UNC5A: variants seen among roughly 807,000 people sequenced by gnomAD.
The protein encoded by UNC5A is netrin receptor UNC5A.
UNC5A carries 20 observed loss-of-function variants against 87.4 expected under a neutral mutation model. The ratio of observed to expected loss-of-function variants is 0.23; its 90% CI spans 0.16 to 0.33. The LOEUF (loss-of-function observed/expected upper bound fraction) is 0.33, where lower values mean the gene tolerates loss of function less well. Among genes scored for constraint, UNC5A ranks in the 10% least tolerant of loss-of-function variants. The probability of loss-of-function intolerance (pLI) is 1.00; values close to 1 mark genes in which losing one functional copy is unlikely to be tolerated. For synonymous variants in UNC5A, 438 were observed against 482.3 expected, an observed-to-expected ratio of 0.91 and a Z score of 1.20; for missense variants, 844 against 1,133.4, an observed-to-expected ratio of 0.74 and a Z score of 3.67.
In UNC5A at chr5:176,830,650, TTG is replaced by T. The variant is rs574164105; in HGVS notation, c.70+19841_70+19842del. 4.6e-3 allele frequency among the ~76,000 whole-genome samples: 258 copies of T among 56,254 alleles called. 5 individuals carry two copies. Among genetic ancestry groups the T allele is most frequent in the African/African-American group, 0.016 (214 of 13,418 alleles). The allele number at this position is 56,254 out of a possible 152,430, so 36.9% of individuals were successfully genotyped here. ...TGTGTGTGTGCGCTGGCGTGTGCAT[TTG>T]TGTGTGTGTGCTGGTGTGTGTGGGA... On this transcript the variant is annotated intron_variant, in intron 1 of 14. Coordinates refer to ENST00000329542, the MANE Select transcript of UNC5A (RefSeq NM_133369.3).
At position 176,875,980 on chromosome 5, in the gene UNC5A, G is replaced by T. The variant is rs1758252349; in HGVS notation, c.1379-1212G>T. Among the ~76,000 whole-genome samples the T allele has an allele frequency of 6.6e-6, 1 of 152,264 alleles. No individual in the cohort carries two copies. The highest frequency in any genetic ancestry group is 2.1e-4 in the South Asian group (1 of 4,836). ...TCTGTCAGCTCTTACAGAGACGCAG[G>T]CGAACAGTGGGGCCCGGCAGCCCTT... is the stretch of plus-strand genomic sequence containing the variant. On this transcript the variant is annotated intron_variant, in intron 8 of 14. Transcript: ENST00000329542. The surrounding 1 kb of genome is among the most constrained non-coding windows in gnomAD (Gnocchi z 5.2).
At chr5:176,876,998 C>T (rs1397809474) in intron 8 of UNC5A, among the ~76,000 whole-genome samples, 194 bp from the exon 9 acceptor site, 1 of 152,204 alleles carries the variant, frequency 6.6e-6, no homozygotes, top group Non-Finnish European at 1.5e-5. Flanking sequence ...CCCTCAGTTG[C>T]TCATGGGGTG....
At chr5:176,831,866 TCA>T (rs1332331809) in intron 1 of UNC5A, among the ~76,000 whole-genome samples, 1 of 146,594 alleles carries the variant, frequency 6.8e-6, no homozygotes, top group African/African-American at 2.5e-5. Context: ...ACTTTCACTT[TCA>T]CACACTTTCT....
At chr5:176,850,019 C>T (rs1757505026) in intron 1 of UNC5A, among the ~76,000 whole-genome samples, 1 of 152,226 alleles carries the variant, frequency 6.6e-6, no homozygotes. Flanking sequence ...GGTGCACAGG[C>T]TGACAGCGGA....
rs192088302 is a variant in UNC5A, at chr5:176,836,973, G to A, written c.71-25651G>A. 5.3e-5 allele frequency among the ~76,000 whole-genome samples: 8 copies of A among 152,280 alleles called. No individual in the cohort carries two copies. In the East Asian group the frequency reaches 5.8e-4, roughly 11 times the overall value. ...AGAGGAAGTCCCTGCCAGAGCCAGC[G>A]CACAGGCCAGACGGAACAACCTGAT... On this transcript the variant is annotated intron_variant, in intron 1 of 14. Coordinates refer to ENST00000329542, the MANE Select transcript of UNC5A (RefSeq NM_133369.3).
chr5:176,815,067 T>C (rs1406988381), intron 1 of UNC5A, among the ~76,000 whole-genome samples: 7 of 152,180 alleles, frequency 4.6e-5, no homozygotes, highest in African/African-American at 1.7e-4. Flanking sequence ...TGGTGCATGC[T>C]TGTGGGCCAC....
At chr5:176,817,001 G>C (rs1388085826) in intron 1 of UNC5A, among the ~76,000 whole-genome samples, 2 of 152,246 alleles carry the variant, frequency 1.3e-5, no homozygotes, top group South Asian at 2.1e-4. Flanking sequence ...TGTTTGAAGT[G>C]GGAGAGGGGG....
intron 1 of UNC5A, among the ~76,000 whole-genome samples, chr5:176,814,400 G>A (rs773013491): frequency 1.3e-5 from 2 of 152,142 alleles, no homozygotes; most frequent in African/African-American, 2.4e-5. Flanking sequence ...GGCAAGCTCC[G>A]GCTTCCAGAC....
chr5:176,861,604 G>A (rs531489062), intron 1 of UNC5A, among the ~76,000 whole-genome samples: 24 of 152,326 alleles, frequency 1.6e-4, no homozygotes, highest in Admixed American at 7.2e-4. Flanking sequence ...TGGATCACCC[G>A]TGGGGAGGGT....
At chr5:176,847,888 C>G (rs1315734751) in intron 1 of UNC5A, among the ~76,000 whole-genome samples, 7 of 151,732 alleles carry the variant, frequency 4.6e-5, no homozygotes, top group Non-Finnish European at 1.0e-4. Context: ...TGGGCCTGCC[C>G]TTCCACAGCC....
intron 1 of UNC5A, among the ~76,000 whole-genome samples, chr5:176,861,467 C>T (rs1298845103): frequency 1.3e-5 from 2 of 152,168 alleles, no homozygotes; most frequent in Non-Finnish European, 2.9e-5. Flanking sequence ...TGGTGAAGGG[C>T]GGACTCCCAC....
chr5:176,833,772 G>T (rs1445512454), intron 1 of UNC5A, among the ~76,000 whole-genome samples: 3 of 149,986 alleles, frequency 2.0e-5, no homozygotes, highest in African/African-American at 7.4e-5. Flanking sequence ...GCAGTGGTGC[G>T]GTCTCCGCTC....
intron 6 of UNC5A, among the ~76,000 whole-genome samples, chr5:176,872,988 AC>A (rs781222013): frequency 0.13 from 1,653 of 12,426 alleles, 589 homozygotes; most frequent in Non-Finnish European, 0.24. Flanking sequence ...ATCTGCCCAC[AC>A]CTGCCCCAAC....
intron 1 of UNC5A, among the ~76,000 whole-genome samples, chr5:176,831,965 C>T (rs1286212164): frequency 1.4e-5 from 2 of 142,052 alleles, no homozygotes; most frequent in Admixed American, 7.3e-5. Flanking sequence ...GGTGCAATCT[C>T]GGCTCTCTGC....
At chr5:176,858,709 GAA>G (rs57037749) in intron 1 of UNC5A, among the ~76,000 whole-genome samples, 3,938 of 65,964 alleles carry the variant, frequency 0.06, 156 homozygotes, top group Admixed American at 0.1. Flanking sequence ...GCGAAAGAAA[GAA>G]AGAGAGAGAG....
chr5:176,870,691 G>T (rs150676553), intron 6 of UNC5A, 157 bp downstream of exon 6: 2 of 849,744 alleles, frequency 2.4e-6, no homozygotes, highest in Non-Finnish European at 3.5e-6. Flanking sequence ...TAGCATACCT[G>T]CACATGGGCC....
At chr5:176,847,650 A>G (rs746802447) in intron 1 of UNC5A, among the ~76,000 whole-genome samples, 11 of 151,468 alleles carry the variant, frequency 7.3e-5, no homozygotes, top group Non-Finnish European at 2.9e-5. Flanking sequence ...ACCGATCCCA[A>G]CTTTTACATA....
intron 1 of UNC5A, among the ~76,000 whole-genome samples, chr5:176,842,702 G>A (rs1268632772): frequency 1.3e-5 from 2 of 152,170 alleles, no homozygotes; most frequent in Admixed American, 1.3e-4. Context: ...GGGGACTTGT[G>A]TGGAAGAGTG....
At chr5:176,850,272 G>T (rs1757511633) in intron 1 of UNC5A, among the ~76,000 whole-genome samples, 4 of 152,220 alleles carry the variant, frequency 2.6e-5, no homozygotes, top group African/African-American at 9.6e-5. Flanking sequence ...GCAGGGTATG[G>T]GTTGGTGACC....
Sources: allele counts gnomAD v4.1 joint callset (sites outside exome capture counted in the v4.1 genomes callset), GRCh38; gene constraint gnomAD v4.1.1; non-coding constraint Gnocchi (gnomAD v3.1); transcripts MANE v1.5; gene names NCBI Gene and HGNC (gene_info 2026-07-23, HGNC 2026-07-21).